DLG2: variants seen among roughly 807,000 people sequenced by gnomAD.
The protein encoded by DLG2 is discs large MAGUK scaffold protein 2.
In DLG2, 45 loss-of-function variants were observed where a neutral mutation model predicts 132.5. The observed-to-expected ratio is 0.34, with a 90% CI of 0.27 to 0.44. The LOEUF is 0.44. Among genes scored for constraint, DLG2 ranks in the 20% least tolerant of loss-of-function variants. DLG2 has a pLI of 1.00. For synonymous variants in DLG2, 424 were observed against 419.6 expected (o/e 1.01, Z -0.13); for missense variants, 1,045 against 1,196.9 (o/e 0.87, Z 1.87).
chr11:83,660,757 C>A (rs1399272435), intron 18 of DLG2, among the ~76,000 whole-genome samples: 4 of 152,058 alleles, frequency 2.6e-5, no homozygotes, highest in African/African-American at 9.7e-5. Flanking sequence ...AAGGGGGTGG[C>A]TGATGGAAAA....
intron 6 of DLG2, among the ~76,000 whole-genome samples, chr11:84,770,181 A>C (rs1461833452): frequency 1.3e-5 from 2 of 152,098 alleles, no homozygotes; most frequent in Admixed American, 6.5e-5. Flanking sequence ...GCTGTGTGAC[A>C]TTCCTATTCC....
intron 7 of DLG2, among the ~76,000 whole-genome samples, chr11:84,377,289 A>G (rs2098733168): frequency 6.6e-6 from 1 of 152,066 alleles, no homozygotes; most frequent in African/African-American, 2.4e-5. Context: ...CATTGGTATC[A>G]TTAAATTTTA....
At chr11:83,714,854 G>A (rs573362060) in intron 18 of DLG2, among the ~76,000 whole-genome samples, 18 of 152,320 alleles carry the variant, frequency 1.2e-4, no homozygotes, top group South Asian at 2.1e-4. Context: ...ACAGTGTGGC[G>A]ATTCCTCAAG....
At chr11:85,182,568 G>C (rs926554666) in intron 4 of DLG2, among the ~76,000 whole-genome samples, 3 of 151,582 alleles carry the variant, frequency 2.0e-5, no homozygotes, top group Middle Eastern at 3.2e-3. Flanking sequence ...TTATTTGTCT[G>C]TGTGTGTGAG....
intron 18 of DLG2, among the ~76,000 whole-genome samples, chr11:83,731,704 A>C (rs1434959993): frequency 1.3e-5 from 2 of 152,188 alleles, no homozygotes; most frequent in African/African-American, 4.8e-5. Context: ...ATCCTTGAGA[A>C]ATCACCACAC....
At chr11:85,189,441 G>T (rs571430687) in intron 4 of DLG2, among the ~76,000 whole-genome samples, 1 of 152,226 alleles carries the variant, frequency 6.6e-6, no homozygotes, top group South Asian at 2.1e-4. Context: ...TGATACACAC[G>T]ACAACTTGAA....
chr11:84,717,369 T>A (rs935721437), intron 6 of DLG2, among the ~76,000 whole-genome samples: 2 of 151,974 alleles, frequency 1.3e-5, no homozygotes, highest in African/African-American at 4.8e-5. Context: ...TCAATGAAAA[T>A]CCTTATTTTA....
intron 16 of DLG2, among the ~76,000 whole-genome samples, chr11:83,841,616 C>T (rs1878266): frequency 0.64 from 97,710 of 152,090 alleles, 31,619 homozygotes; most frequent in Middle Eastern, 0.73. Flanking sequence ...AAACGACATA[C>T]GTTGGCATTT....
At chr11:83,778,716 G>A (rs1319067944) in intron 18 of DLG2, among the ~76,000 whole-genome samples, 3 of 152,082 alleles carry the variant, frequency 2.0e-5, no homozygotes, top group African/African-American at 4.8e-5. Flanking sequence ...TATATTACTC[G>A]AGGTCAAAAA....
At chr11:84,431,223 C>A (rs1034893502) in intron 7 of DLG2, among the ~76,000 whole-genome samples, 6 of 152,076 alleles carry the variant, frequency 3.9e-5, no homozygotes, top group Non-Finnish European at 7.4e-5. Context: ...TATACACACA[C>A]AATATATAGT....
intron 6 of DLG2, among the ~76,000 whole-genome samples, chr11:84,619,243 A>T (rs2099609813): frequency 6.6e-6 from 1 of 151,958 alleles, no homozygotes; most frequent in African/African-American, 2.4e-5. Flanking sequence ...ATTTAAAAAA[A>T]TTTTAAATAA....
intron 4 of DLG2, among the ~76,000 whole-genome samples, chr11:85,197,464 T>C (rs1426512286): frequency 6.6e-6 from 1 of 152,204 alleles, no homozygotes; most frequent in Non-Finnish European, 1.5e-5. Flanking sequence ...TTTTAAAGTG[T>C]ATTAAGAAAT....
chr11:84,280,525 T>G (rs1194414573), intron 7 of DLG2, among the ~76,000 whole-genome samples: 5 of 152,010 alleles, frequency 3.3e-5, no homozygotes, highest in Admixed American at 3.3e-4. Context: ...TGCCTCTGAC[T>G]CCCAAAGTGC....
At chr11:83,676,970 G>A (rs547652138) in intron 18 of DLG2, among the ~76,000 whole-genome samples, 19 of 152,170 alleles carry the variant, frequency 1.2e-4, no homozygotes, top group African/African-American at 4.3e-4. Context: ...GAAAACGACC[G>A]AACAAAGCAA....
chr11:84,414,608 C>A (rs906442681), intron 7 of DLG2, among the ~76,000 whole-genome samples: 5 of 152,148 alleles, frequency 3.3e-5, no homozygotes, highest in African/African-American at 1.2e-4. Flanking sequence ...TTTGGTCACT[C>A]TGTTTAAAGC....
At chr11:85,375,563 C>T (rs2085339769) in intron 3 of DLG2, among the ~76,000 whole-genome samples, 1 of 152,168 alleles carries the variant, frequency 6.6e-6, no homozygotes, top group South Asian at 2.1e-4. Flanking sequence ...TTTCAGTTGT[C>T]ATTCACAACA....
intron 6 of DLG2, among the ~76,000 whole-genome samples, chr11:84,586,167 G>T (rs372281487): frequency 1.4e-5 from 2 of 139,850 alleles, no homozygotes; most frequent in South Asian, 2.2e-4. Flanking sequence ...AAAAAAAAAG[G>T]GTTTGTAATT....
At chr11:85,596,312 CG>C (rs2079756705) in intron 3 of DLG2, among the ~76,000 whole-genome samples, 1 of 152,110 alleles carries the variant, frequency 6.6e-6, no homozygotes, top group South Asian at 2.1e-4. Context: ...CTGCTTGAAC[CG>C]GGAGGCAGAG....
At chr11:83,999,726 C>A (rs891911299) in intron 11 of DLG2, among the ~76,000 whole-genome samples, 7 of 152,112 alleles carry the variant, frequency 4.6e-5, no homozygotes, top group African/African-American at 7.2e-5. Flanking sequence ...GCACTGTACA[C>A]CACCAAGGAA....
Sources: allele counts gnomAD v4.1 joint callset (sites outside exome capture counted in the v4.1 genomes callset), GRCh38; gene constraint gnomAD v4.1.1; transcripts MANE v1.5; gene names NCBI Gene and HGNC (gene_info 2026-07-23, HGNC 2026-07-21).